Variants in PLXDC2 observed in about 807,000 individuals in gnomAD.
PLXDC2 encodes the protein plexin domain containing 2.
Under a neutral mutation model 68.9 loss-of-function variants are expected in PLXDC2, and 40 were observed. The observed-to-expected ratio is 0.58, with a 90% confidence interval of 0.45 to 0.76. The LOEUF (loss-of-function observed/expected upper bound fraction) is 0.76, where lower values mean the gene tolerates loss of function less well. Ranked by LOEUF, PLXDC2 falls within the 30% of genes least tolerant of loss-of-function variation. The pLI is 0.00. For synonymous variants in PLXDC2, 243 were observed against 234.2 expected (o/e 1.04, Z -0.34); for missense variants, 644 against 661.9 (o/e 0.97, Z 0.30).
At chr10:20,146,488 T>TTCC (rs1554769785) in intron 5 of PLXDC2, among the ~76,000 whole-genome samples, 6 of 81,412 alleles carry the variant, frequency 7.4e-5, no homozygotes, top group South Asian at 4.8e-4. Context: ...TTCTTTTCTT[T>TTCC]TTCCTTCCTT....
At chr10:19,933,246 T>C (rs769378809) in intron 1 of PLXDC2, among the ~76,000 whole-genome samples, 1 of 152,212 alleles carries the variant, frequency 6.6e-6, no homozygotes, top group Non-Finnish European at 1.5e-5. Context: ...TCTTTTGTAA[T>C]ATTAAATTTT....
At chr10:20,186,029 G>T (rs1223853290) in intron 9 of PLXDC2, among the ~76,000 whole-genome samples, 1 of 151,860 alleles carries the variant, frequency 6.6e-6, no homozygotes, top group Non-Finnish European at 1.5e-5. Context: ...TTACTGATTA[G>T]TAATATTCTG....
chr10:20,259,502 A>C (rs1429591248), intron 13 of PLXDC2, among the ~76,000 whole-genome samples: 16 of 152,232 alleles, frequency 1.1e-4, no homozygotes, highest in Admixed American at 1.0e-3. Flanking sequence ...ATTTACAAAA[A>C]AATTAGCTGA....
At chr10:19,942,958 A>G (rs1006168239) in intron 1 of PLXDC2, among the ~76,000 whole-genome samples, 1 of 152,224 alleles carries the variant, frequency 6.6e-6, no homozygotes, top group African/African-American at 2.4e-5. Context: ...GATGTATATT[A>G]TGAATAATTA....
intron 9 of PLXDC2, among the ~76,000 whole-genome samples, chr10:20,178,245 G>T (rs1589667237): frequency 1.3e-5 from 2 of 152,050 alleles, no homozygotes; most frequent in Admixed American, 6.6e-5. Context: ...ATAATTTACT[G>T]GTGTCAAAGA....
intron 12 of PLXDC2, among the ~76,000 whole-genome samples, chr10:20,244,882 G>A (rs1835568203): frequency 1.3e-5 from 2 of 152,188 alleles, no homozygotes; most frequent in Non-Finnish European, 2.9e-5. Context: ...TTGGGAGGCT[G>A]AGGCAGGCGG....
chr10:20,015,293 T>C (rs1213495009), intron 2 of PLXDC2, among the ~76,000 whole-genome samples: 1 of 152,194 alleles, frequency 6.6e-6, no homozygotes, highest in Non-Finnish European at 1.5e-5. Flanking sequence ...TGGAATATAC[T>C]AAAGTGTTTT....
intron 1 of PLXDC2, among the ~76,000 whole-genome samples, chr10:19,892,670 T>G (rs570672941): frequency 1.4e-4 from 21 of 152,334 alleles, no homozygotes; most frequent in Non-Finnish European, 2.6e-4. Context: ...GAAAGATAGC[T>G]TTTATAAATA....
chr10:20,112,154 C>T (rs1833568170), intron 4 of PLXDC2, among the ~76,000 whole-genome samples: 1 of 152,164 alleles, frequency 6.6e-6, no homozygotes, highest in African/African-American at 2.4e-5. Context: ...ACCATGCTGG[C>T]TCCCTGATTT....
At chr10:20,032,881 C>CACTT (rs1835523102) in intron 2 of PLXDC2, among the ~76,000 whole-genome samples, 1 of 151,712 alleles carries the variant, frequency 6.6e-6, no homozygotes, top group African/African-American at 2.4e-5. Flanking sequence ...ATGTTAGTTA[C>CACTT]ACTTATTACC....
At chr10:19,933,298 A>G (rs1293855230) in intron 1 of PLXDC2, among the ~76,000 whole-genome samples, 2 of 152,130 alleles carry the variant, frequency 1.3e-5, no homozygotes, top group South Asian at 2.1e-4. Flanking sequence ...GTTAATTTCA[A>G]CTACAGCTTT....
Position 20,285,083 on chromosome 10 carries a change from T to A in PLXDC2, c.*5264T>A, listed in dbSNP as rs1014267953. The A allele has an allele frequency of 1.3e-5, 2 of 152,206 alleles. No individual in the cohort carries two copies. Among genetic ancestry groups the A allele is most frequent in the Admixed American group, 1.3e-4 (2 of 15,282 alleles). 9.4% of individuals were successfully genotyped at this position (152,206 alleles called of 1,614,324 possible). On this transcript the variant is annotated 3_prime_UTR_variant, in exon 14 of 14. Transcript: ENST00000377252. ...CCCAAATATATTTGAAAATGAATGA[T>A]CTATATAGCTGATTTTCTGACCACA... is the stretch of plus-strand genomic sequence containing the variant.
chr10:19,876,117 C>G (rs1310078959), intron 1 of PLXDC2, among the ~76,000 whole-genome samples: 1 of 152,004 alleles, frequency 6.6e-6, no homozygotes, highest in Non-Finnish European at 1.5e-5. Flanking sequence ...TTTTCAAGTC[C>G]TGTTTACACT....
At chr10:19,874,043 C>A (rs1416038755) in intron 1 of PLXDC2, among the ~76,000 whole-genome samples, 1 of 152,068 alleles carries the variant, frequency 6.6e-6, no homozygotes, top group Non-Finnish European at 1.5e-5. Context: ...GCAAGGTTGT[C>A]AATAGATGTA....
At chr10:20,272,798 T>C (rs1413951045) in intron 13 of PLXDC2, among the ~76,000 whole-genome samples, 2 of 152,260 alleles carry the variant, frequency 1.3e-5, no homozygotes, top group African/African-American at 4.8e-5. Context: ...TGGGCTCGCT[T>C]ACTGTTGAGT....
chr10:20,103,667 G>A lies in PLXDC2; in HGVS notation c.541+35428G>A, dbSNP rs184121921. Among the ~76,000 whole-genome samples, 618 of 145,856 alleles carry A rather than the reference G, an allele frequency of 4.2e-3. 3 individuals are homozygous for A. The highest frequency in any genetic ancestry group is 0.015 in the African/African-American group (595 of 39,880). ...TTTTTTCTTTTTTTTTTTTTGAGAC[G>A]GAGTATCGTTGTCTCCCATGCTGGA... is the stretch of plus-strand genomic sequence containing the variant. On this transcript the variant is annotated intron_variant, in intron 4 of 13. Transcript: ENST00000377252.
chr10:20,237,849 G>A (rs1835454498), intron 12 of PLXDC2, among the ~76,000 whole-genome samples: 1 of 152,142 alleles, frequency 6.6e-6, no homozygotes, highest in Non-Finnish European at 1.5e-5. Flanking sequence ...TTTATGGGCT[G>A]CAGTGTTTCA....
intron 5 of PLXDC2, among the ~76,000 whole-genome samples, chr10:20,145,645 G>A (rs1258333627): frequency 2.0e-5 from 3 of 152,126 alleles, no homozygotes; most frequent in African/African-American, 4.8e-5. Context: ...CGCTTCCCGG[G>A]TTCATGCCAT....
At chr10:19,962,055 T>C (rs1409341) in intron 1 of PLXDC2, among the ~76,000 whole-genome samples, 35,125 of 152,086 alleles carry the variant, frequency 0.23, 4,181 homozygotes, top group East Asian at 0.33. Flanking sequence ...AGTGACGATA[T>C]TTATTTGTGT....
Sources: gnomAD v4.1 joint callset for allele counts (sites outside exome capture counted in the v4.1 genomes callset) on GRCh38, gnomAD v4.1.1 for gene constraint, MANE v1.5 for transcripts, NCBI Gene and HGNC (gene_info 2026-07-23, HGNC 2026-07-21) for gene names.